The following SETX variants were observed in gnomAD, a reference collection of about 807,000 sequenced individuals.
SETX encodes helicase senataxin.
A neutral mutation model predicts 227.2 loss-of-function variants in SETX; 90 were observed. The ratio of observed to expected loss-of-function variants is 0.40; its 90% CI spans 0.33 to 0.47. The LOEUF is 0.47. SETX is among the 20% of genes least tolerant of loss of function. The pLI, the probability that SETX is intolerant of heterozygous loss-of-function variation, is 0.91. For synonymous variants in SETX, 1,210 were observed against 1,113.2 expected (o/e 1.09, Z -1.73); for missense variants, 3,052 against 3,181.5 (o/e 0.96, Z 0.98).
At chr9:132,283,561 C>G in intron 18 of SETX, 148 bp from the exon 19 acceptor site, 1 of 945,620 alleles carries the variant, frequency 1.1e-6, no homozygotes, top group Non-Finnish European at 1.6e-6. Flanking sequence ...ACCCTCAAAT[C>G]TAGGAAACAG....
intron 5 of SETX, among the ~76,000 whole-genome samples, chr9:132,342,102 TTAATGTAGTCACTCAGTTC>T (rs1848010563): frequency 6.6e-6 from 1 of 152,184 alleles, no homozygotes; most frequent in African/African-American, 2.4e-5. Flanking sequence ...GGCTACTGGC[TTAATGTAGTCACTCAGTTC>T]TAGGTGGCAT....
chr9:132,286,455 C>T lies in SETX; in HGVS notation c.6364G>A (p.Glu2122Lys). The change falls in exon 18 of 26, where the codon GAA becomes AAA. Residue 2122 changes from glutamate (E) to lysine (K), a missense_variant. Glu to Lys is a moderately conservative substitution (Grantham distance 56, BLOSUM62 1). Around this residue, in one of 10 missense-constraint regions of SETX, gnomAD observed 412 missense variants for 589.0 expected, o/e 0.70. Transcript: ENST00000224140. ...LDENISKVSK[E>K]RQELASKIKE... ...ATTTTAGAAGCAAGTTCCTGCCTTT[C>T]CTTAGAAACTTTGGAAATGTTTTCA... 6.2e-7 allele frequency: 1 copy of T among 1,613,384 alleles called. No homozygotes were observed. The highest frequency in any genetic ancestry group is 8.5e-7 in the Non-Finnish European group (1 of 1,179,778).
intron 10 of SETX, among the ~76,000 whole-genome samples, chr9:132,320,429 A>C (rs1007824756): frequency 5.9e-5 from 9 of 151,806 alleles, no homozygotes; most frequent in African/African-American, 1.9e-4. Flanking sequence ...CAAAAACAAA[A>C]ATTAGCCAGA....
intron 10 of SETX, among the ~76,000 whole-genome samples, chr9:132,316,344 GCTA>G (rs1845967089): frequency 6.6e-6 from 1 of 152,132 alleles, no homozygotes; most frequent in African/African-American, 2.4e-5. Context: ...GTGGGTTTTA[GCTA>G]CTAATCTCTT....
intron 15 of SETX, among the ~76,000 whole-genome samples, chr9:132,294,093 G>A (rs974085467): frequency 5.9e-5 from 9 of 151,908 alleles, no homozygotes; most frequent in African/African-American, 1.2e-4. Context: ...GTCCTGGCCC[G>A]GCTGTGCAGT....
In SETX at chr9:132,264,277, G is replaced by A. The variant is rs1391758185; in HGVS notation, c.7996C>T (p.Gln2666Ter). ...NSRWDKRTLE[Q>*]EDSSSKKRKL... is the part of the protein sequence containing the mutation. Reference sequence around the variant, plus strand: ...CTTTTCTTGGAACTGCTGTCCTCCTGCTCCAGTGTCCTCTTGTCCCACCTA... The same window carrying A: ...CTTTTCTTGGAACTGCTGTCCTCCTACTCCAGTGTCCTCTTGTCCCACCTA... The change falls in exon 26 of 26, where the codon CAG becomes TAG. Residue 2666 changes from glutamine (Q) to a stop codon, truncating the protein, a stop_gained. Coordinates refer to ENST00000224140, the MANE Select transcript of SETX (RefSeq NM_015046.7). LOFTEE classifies it high-confidence loss of function. 1 of 1,614,148 alleles carries A rather than the reference G, an allele frequency of 6.2e-7. No individual in the cohort carries two copies. The highest frequency in any genetic ancestry group is 1.3e-5 in the African/African-American group (1 of 75,016).
intron 7 of SETX, among the ~76,000 whole-genome samples, chr9:132,333,396 AAG>A (rs1491428767): frequency 0.11 from 4,443 of 40,594 alleles, 556 homozygotes; most frequent in East Asian, 0.2. Context: ...AAAAAAAAAA[AAG>A]AAAAAAAAAA....
intron 11 of SETX, among the ~76,000 whole-genome samples, chr9:132,301,795 G>A (rs569251576): frequency 7.9e-5 from 12 of 152,260 alleles, no homozygotes; most frequent in African/African-American, 2.9e-4. Flanking sequence ...CAAGAATTTT[G>A]CAACTTCTAC....
rs765831760 is a variant in SETX at position 132,327,696 on chromosome 9, T to C, written c.3902A>G (p.Gln1301Arg). The change falls in exon 10 of 26, where the codon CAG becomes CGG. Residue 1301 changes from glutamine (Q) to arginine (R), a missense_variant. Transcript: ENST00000224140. The part of the protein sequence containing the change: ...KGPRKAYELS[Q>R]RSLDYVAQLR... ...TTGAGCTACATAATCCAAAGACCGC[T>C]GGGACAACTCATATGCCTTACGAGG... The C allele has an allele frequency of 5.0e-6, 8 of 1,614,092 alleles. No homozygotes were observed. Among genetic ancestry groups the C allele is most frequent in the Non-Finnish European group, 6.8e-6 (8 of 1,179,986 alleles).
chr9:132,338,805 T>A (rs1386955174), intron 5 of SETX, among the ~76,000 whole-genome samples: 1 of 152,158 alleles, frequency 6.6e-6, no homozygotes, highest in Admixed American at 6.5e-5. Context: ...GTTGCCCAGG[T>A]TGGAGTGCAC....
In SETX at chr9:132,326,786, A is replaced by G. The variant is rs1227892683; in HGVS notation, c.4812T>C (p.Thr1604=). 3 of 1,614,236 alleles carry G rather than the reference A, an allele frequency of 1.9e-6. No homozygotes were observed. In the Admixed American group the frequency reaches 5.0e-5, roughly 27 times the overall value. The change falls in exon 10 of 26, where the codon ACT becomes ACC. Residue 1604 remains threonine (T), a synonymous_variant. Coordinates refer to ENST00000224140, the MANE Select transcript of SETX (RefSeq NM_015046.7). The part of the protein sequence containing the change: ...PTTKIFSSKS[T]SRIAGLSKSL... ...ATTTAGAAAGACCAGCAATTCGTGA[A>G]GTACTCTTTGAGCTAAAAATCTTAG...
chr9:132,310,907 T>C (rs915044975), intron 11 of SETX, among the ~76,000 whole-genome samples: 36 of 152,340 alleles, frequency 2.4e-4, no homozygotes, highest in African/African-American at 4.3e-4. Flanking sequence ...TTTCTTTTCT[T>C]TAGCTTTATT....
At chr9:132,316,666 C>G (rs1845987294) in intron 10 of SETX, among the ~76,000 whole-genome samples, 1 of 152,188 alleles carries the variant, frequency 6.6e-6, no homozygotes, top group Non-Finnish European at 1.5e-5. Flanking sequence ...CTCTAACGAT[C>G]CATCCTTTCC....
intron 23 of SETX, 29 bp downstream of exon 23, chr9:132,275,227 A>T (rs1444834651): frequency 1.9e-6 from 3 of 1,608,146 alleles, no homozygotes; most frequent in Non-Finnish European, 2.6e-6. Context: ...TCAACAAGAA[A>T]ATTGGAAATA....
chr9:132,306,975 C>T (rs975073512), intron 11 of SETX, among the ~76,000 whole-genome samples: 6 of 152,356 alleles, frequency 3.9e-5, no homozygotes, highest in African/African-American at 1.4e-4. Flanking sequence ...GCTTTCTGAG[C>T]TGGGCATGGT....
intron 3 of SETX, among the ~76,000 whole-genome samples, chr9:132,348,571 G>A (rs1313035911): frequency 6.6e-6 from 1 of 152,062 alleles, no homozygotes; most frequent in Non-Finnish European, 1.5e-5. Context: ...TTCCATCCGT[G>A]ATAAACATTT....
intron 21 of SETX, among the ~76,000 whole-genome samples, chr9:132,277,815 A>C (rs1843250381): frequency 7.0e-6 from 1 of 142,052 alleles, no homozygotes. Flanking sequence ...AAAAAAAAGG[A>C]CTGCTGAAAG....
At chr9:132,281,069 G>A (rs905882184) in intron 20 of SETX, among the ~76,000 whole-genome samples, 12 of 152,208 alleles carry the variant, frequency 7.9e-5, no homozygotes, top group Non-Finnish European at 1.3e-4. Context: ...AAAATGAGGA[G>A]GGTAGGATTC....
Position 132,288,327 on chromosome 9 carries a change from T to C in SETX, c.6233A>G (p.Gln2078Arg), listed in dbSNP as rs1157239122. Residue 2078 changes from glutamine (Q) to arginine (R), a missense_variant, in exon 17 of 26, where the codon CAG becomes CGG. This residue lies in a region of SETX where 412 missense variants were observed against 589.0 expected (regional missense o/e 0.70). Transcript: ENST00000224140. Reference protein sequence around the residue: ...RMKKELPSHVQAMHKRKEFLD... With the variant: ...RMKKELPSHVRAMHKRKEFLD... ...AAATTCCTTTCTTTTATGCATCGCC[T>C]GAACATGAGAAGGTAACTCTTTTTC... The C allele has an allele frequency of 6.2e-7, 1 of 1,613,864 alleles. No homozygotes were observed. Among genetic ancestry groups the C allele is most frequent in the Admixed American group, 1.7e-5 (1 of 60,020 alleles).
Sources: gnomAD v4.1 joint callset for allele counts (sites outside exome capture counted in the v4.1 genomes callset) on GRCh38, gnomAD v4.1.1 for gene constraint, gnomAD v4.1.1 regional missense constraint, MANE v1.5 for transcripts, NCBI Gene and HGNC (gene_info 2026-07-23, HGNC 2026-07-21) for gene names.